KLHL29: variants seen among roughly 807,000 people sequenced by gnomAD.
KLHL29 encodes the protein kelch-like protein 29.
A neutral mutation model predicts 80.4 loss-of-function variants in KLHL29; 21 were observed. The observed-to-expected ratio is 0.26, with a 90% CI of 0.19 to 0.38. KLHL29 has a LOEUF of 0.38. Ranked by LOEUF, KLHL29 falls within the 10% of genes least tolerant of loss-of-function variation. KLHL29 has a pLI of 1.00. For synonymous variants in KLHL29, 511 were observed against 526.8 expected (o/e 0.97, Z 0.41); for missense variants, 867 against 1,223.9 (o/e 0.71, Z 4.35).
intron 2 of KLHL29, among the ~76,000 whole-genome samples, chr2:23,537,152 C>G (rs11678782): frequency 0.42 from 63,074 of 151,954 alleles, 14,331 homozygotes; most frequent in East Asian, 0.85. Context: ...GTCCTGAGTT[C>G]CCTTTCAGTC....
intron 1 of KLHL29, among the ~76,000 whole-genome samples, chr2:23,435,325 C>T (rs1663307946): frequency 6.6e-6 from 1 of 152,144 alleles, no homozygotes; most frequent in East Asian, 1.9e-4. Flanking sequence ...GACTTCTGTG[C>T]ATACAAGCGA....
In KLHL29 at chr2:23,682,195, C is replaced by T. The variant is rs968153604; in HGVS notation, c.941-2204C>T. On this transcript the variant is annotated intron_variant, in intron 5 of 13. Transcript: ENST00000486442. This position sits in a 1 kb window ranked among gnomAD's most constrained non-coding sequence, Gnocchi z 4.1. ...CTGTCCTGCTGTTGCTGTGTAATTC[C>T]GGCCTTCTCACCTCTCCCTCGGAAA... 1.3e-5 allele frequency among the ~76,000 whole-genome samples: 2 copies of T among 152,188 alleles called. No individual in the cohort carries two copies. The highest frequency in any genetic ancestry group is 2.9e-5 in the Non-Finnish European group (2 of 68,044).
chr2:23,614,759 T>C (rs574887341), intron 3 of KLHL29, among the ~76,000 whole-genome samples: 1 of 152,206 alleles, frequency 6.6e-6, no homozygotes, highest in South Asian at 2.1e-4. Flanking sequence ...AGGAGGTCAC[T>C]CGGGTCGCTG....
chr2:23,657,972 G>A (rs1393922490), intron 5 of KLHL29, among the ~76,000 whole-genome samples: 1 of 152,118 alleles, frequency 6.6e-6, no homozygotes, highest in Non-Finnish European at 1.5e-5. Context: ...GCGGAGCCAC[G>A]GGGCAGTTCG....
intron 3 of KLHL29, among the ~76,000 whole-genome samples, chr2:23,565,531 G>A (rs748882411): frequency 5.9e-5 from 9 of 152,202 alleles, no homozygotes; most frequent in African/African-American, 1.7e-4. Context: ...GGAAGAGGCC[G>A]TCTAGCGGGC....
intron 2 of KLHL29, among the ~76,000 whole-genome samples, chr2:23,494,562 C>T (rs1000550239): frequency 6.6e-6 from 1 of 152,230 alleles, no homozygotes; most frequent in East Asian, 1.9e-4. Flanking sequence ...GAATATCCAT[C>T]AGGCACGTTT....
At chr2:23,540,270 C>G (rs992837157) in intron 2 of KLHL29, among the ~76,000 whole-genome samples, 3 of 152,222 alleles carry the variant, frequency 2.0e-5, no homozygotes, top group African/African-American at 7.2e-5. Context: ...AATACAGTAG[C>G]CACTAGCCAG....
chr2:23,441,928 A>G (rs533328915), intron 1 of KLHL29, among the ~76,000 whole-genome samples: 1 of 152,316 alleles, frequency 6.6e-6, no homozygotes. Flanking sequence ...ACATAGTATG[A>G]TGAGCAGCAT....
intron 5 of KLHL29, among the ~76,000 whole-genome samples, chr2:23,648,192 AT>A (rs1262316958): frequency 6.6e-6 from 1 of 151,912 alleles, no homozygotes; most frequent in Non-Finnish European, 1.5e-5. Context: ...CCTCCACTAT[AT>A]CCTGCCCCAG....
intron 2 of KLHL29, among the ~76,000 whole-genome samples, chr2:23,507,706 C>T (rs563014363): frequency 6.6e-6 from 1 of 152,280 alleles, no homozygotes; most frequent in East Asian, 1.9e-4. Context: ...TCACTTCGGG[C>T]CTGACCTTTG....
At chr2:23,387,150 C>T (rs539194080) in intron 1 of KLHL29, among the ~76,000 whole-genome samples, 217 of 152,342 alleles carry the variant, frequency 1.4e-3, no homozygotes, top group African/African-American at 5.1e-3. Context: ...ATTTATGTAG[C>T]ATTAGGCGAG....
chr2:23,581,092 T>G (rs1028074748), intron 3 of KLHL29, among the ~76,000 whole-genome samples: 1 of 94,656 alleles, frequency 1.1e-5, no homozygotes, highest in African/African-American at 8.3e-5. Flanking sequence ...GGAGGCTTAT[T>G]TTTTTTTTAA....
At chr2:23,410,869 A>G (rs1666844335) in intron 1 of KLHL29, among the ~76,000 whole-genome samples, 1 of 152,124 alleles carries the variant, frequency 6.6e-6, no homozygotes, top group Non-Finnish European at 1.5e-5. Context: ...CCAGACTCAC[A>G]GGCCCCATCC....
At chr2:23,633,215 T>C (rs546238067) in intron 3 of KLHL29, among the ~76,000 whole-genome samples, 2 of 152,300 alleles carry the variant, frequency 1.3e-5, no homozygotes, top group South Asian at 4.1e-4. Context: ...TTGTCTTCCC[T>C]GGGGCTCCTC....
Position 23,457,472 on chromosome 2 carries a change from G to A in KLHL29, c.-153-18088G>A, listed in dbSNP as rs548651336. 1.1e-4 allele frequency among the ~76,000 whole-genome samples: 17 copies of A among 152,262 alleles called. No homozygotes were observed. Among genetic ancestry groups the A allele is most frequent in the Admixed American group, 5.2e-4 (8 of 15,296 alleles). On this transcript the variant is annotated intron_variant, in intron 1 of 13. Transcript: ENST00000486442. This position sits in a 1 kb window ranked among gnomAD's most constrained non-coding sequence, Gnocchi z 4.3. ...GGCCCTTCCCCTCCAGGACCCCTGC[G>A]GTGTGAGTGCTACTCCTTTGGCCCC...
chr2:23,385,927 C>G (rs866881382), intron 1 of KLHL29, 147 bp downstream of exon 1: 30 of 153,810 alleles, frequency 2.0e-4, no homozygotes, highest in African/African-American at 6.3e-4. Context: ...GCGGCGGCGG[C>G]GACAGGAGCC....
chr2:23,521,141 C>T (rs145567105), intron 2 of KLHL29, among the ~76,000 whole-genome samples: 21 of 152,306 alleles, frequency 1.4e-4, no homozygotes, highest in African/African-American at 3.6e-4. Flanking sequence ...CCCTGCCTGC[C>T]ATGTGGTGTG....
At chr2:23,491,123 C>G (rs1431708813) in intron 2 of KLHL29, among the ~76,000 whole-genome samples, 1 of 152,082 alleles carries the variant, frequency 6.6e-6, no homozygotes, top group Non-Finnish European at 1.5e-5. Flanking sequence ...CTCCCCTTTC[C>G]CCCAACTCTA....
chr2:23,526,588 CT>C (rs1306830846), intron 2 of KLHL29, among the ~76,000 whole-genome samples: 1 of 152,160 alleles, frequency 6.6e-6, no homozygotes, highest in Non-Finnish European at 1.5e-5. Context: ...GTGGCCTGCT[CT>C]GCCCTCTGCC....
Sources: gnomAD v4.1 joint callset for allele counts (sites outside exome capture counted in the v4.1 genomes callset) on GRCh38, gnomAD v4.1.1 for gene constraint, Gnocchi (gnomAD v3.1) non-coding constraint, MANE v1.5 for transcripts, NCBI Gene and HGNC (gene_info 2026-07-23, HGNC 2026-07-21) for gene names.